Variants in KYAT1 observed in about 807,000 individuals in gnomAD.
The protein encoded by KYAT1 is kynurenine aminotransferase 1.
In KYAT1, 47 loss-of-function variants were observed where a neutral mutation model predicts 52.4. The observed-to-expected ratio is 0.90, with a 90% CI of 0.71 to 1.14. The LOEUF (loss-of-function observed/expected upper bound fraction) is 1.14, where lower values mean the gene tolerates loss of function less well. Ranked by LOEUF, KYAT1 falls within the 50% of genes most tolerant of loss-of-function variation. KYAT1 has a pLI of 0.00. For missense variants in KYAT1, 480 were observed against 557.9 expected (o/e 0.86, Z 1.41); for synonymous variants, 212 against 209.6 (o/e 1.01, Z -0.10).
intron 1 of KYAT1, among the ~76,000 whole-genome samples, chr9:128,851,965 C>T (rs942694808): frequency 2.0e-5 from 3 of 152,162 alleles, no homozygotes; most frequent in African/African-American, 7.2e-5. Flanking sequence ...ACTAGGCACA[C>T]TGCGACTTGG....
chr9:128,847,253 G>T (rs1833246635), intron 1 of KYAT1, among the ~76,000 whole-genome samples: 2 of 152,226 alleles, frequency 1.3e-5, no homozygotes, highest in Admixed American at 6.5e-5. Context: ...CTATTCAGAT[G>T]CAGAGCTACA....
chr9:128,846,695 C>G (rs1439965930), intron 1 of KYAT1: 21 of 1,532,350 alleles, frequency 1.4e-5, no homozygotes, highest in Admixed American at 3.9e-5. Flanking sequence ...CTGGGTGACC[C>G]TGGATAGGTA....
At chr9:128,882,434 C>T (rs1839094093), upstream of KYAT1, 3 of 332,566 alleles carry the variant, frequency 9.0e-6, no homozygotes, top group Admixed American at 9.7e-5. Context: ...CCCGGAGTCT[C>T]CGGGGCACCA....
chr9:128,855,049 T>C (rs1216696617), intron 1 of KYAT1, among the ~76,000 whole-genome samples: 1 of 152,168 alleles, frequency 6.6e-6, no homozygotes, highest in Non-Finnish European at 1.5e-5. Context: ...ATCATTAAAA[T>C]TTAGGCCTAA....
intron 1 of KYAT1, among the ~76,000 whole-genome samples, chr9:128,856,381 C>T (rs142656820): frequency 3.0e-4 from 46 of 152,142 alleles, no homozygotes; most frequent in African/African-American, 1.1e-3. Flanking sequence ...CCAGCAGCTC[C>T]AGAGAGACAG....
At chr9:128,855,579 T>C (rs76422347) in intron 1 of KYAT1, among the ~76,000 whole-genome samples, 1 of 152,250 alleles carries the variant, frequency 6.6e-6, no homozygotes, top group Non-Finnish European at 1.5e-5. Context: ...GTAGGAAACA[T>C]AGTTATTAAA....
intron 5 of KYAT1, 84 bp from the exon 6 acceptor site, chr9:128,837,897 C>A: frequency 6.5e-7 from 1 of 1,539,166 alleles, no homozygotes; most frequent in South Asian, 1.1e-5. Flanking sequence ...ACCTTCTCTC[C>A]CCTGGGATCC....
Position 128,835,381 on chromosome 9 carries a change from G to A in KYAT1, c.1064C>T (p.Pro355Leu), listed in dbSNP as rs761200965. 47 of 1,613,936 alleles carry A rather than the reference G, an allele frequency of 2.9e-5. No homozygotes were observed. The Admixed American group carries it at 7.5e-4, about 26-fold the overall frequency. The change falls in exon 11 of 13, where the codon CCT becomes CTT. Residue 355 changes from proline to leucine, a missense_variant. Physicochemically the swap from Pro to Leu is moderately conservative, Grantham distance 98. Transcript: ENST00000302586. ...GTCATAGGGCTCATCCACAGCTCCAGGCAAGTCAGGCATCTTCCTCTCTGG... is the reference window on the plus strand; with the variant it reads ...GTCATAGGGCTCATCCACAGCTCCAAGCAAGTCAGGCATCTTCCTCTCTGG... Reference protein sequence around the residue: ...SDFKRKMPDLPGAVDEPYDRR... With the variant: ...SDFKRKMPDLLGAVDEPYDRR...
chr9:128,847,801 C>G (rs113982711), intron 1 of KYAT1, among the ~76,000 whole-genome samples: 1 of 152,144 alleles, frequency 6.6e-6, no homozygotes, highest in Non-Finnish European at 1.5e-5. Flanking sequence ...CCAAGTGACC[C>G]TTTCAAAACA....
chr9:128,845,805 G>A (rs1833001226), intron 1 of KYAT1, among the ~76,000 whole-genome samples: 1 of 152,246 alleles, frequency 6.6e-6, no homozygotes, highest in African/African-American at 2.4e-5. Flanking sequence ...GGAGGATAAT[G>A]GCAACAGTGA....
rs1417888893 is a variant in KYAT1, at chr9:128,847,573, G to T, written c.-6-2162C>A. 2.1e-6 allele frequency: 3 copies of T among 1,413,850 alleles called. No homozygotes were observed. In the South Asian group the frequency reaches 3.7e-5, roughly 18 times the overall value. 87.6% of individuals were successfully genotyped at this position (1,413,850 alleles called of 1,614,324 possible). ...CACTGCAGACTTTTCCAGAGGCAGG[G>T]GAGAAGGGAGGAAACAGCCCTGGCC... On this transcript the variant is annotated intron_variant, in intron 1 of 12. Coordinates refer to ENST00000302586, the MANE Select transcript of KYAT1 (RefSeq NM_004059.5).
chr9:128,868,989 C>T (rs1006444926), intron 1 of KYAT1, among the ~76,000 whole-genome samples: 11 of 152,062 alleles, frequency 7.2e-5, no homozygotes, highest in Admixed American at 5.2e-4. Flanking sequence ...CAGGTGTGAG[C>T]CACTGTGCCT....
At chr9:128,881,152 C>T (rs1344264656) in intron 1 of KYAT1, among the ~76,000 whole-genome samples, 1 of 152,180 alleles carries the variant, frequency 6.6e-6, no homozygotes, top group Non-Finnish European at 1.5e-5. Context: ...GCGATCTCGG[C>T]TCACTGCAAG....
In KYAT1 at chr9:128,835,465, G is replaced by A. The variant is rs529498855; in HGVS notation, c.1042+16C>T. Reference sequence around the variant, plus strand: ...CCAGCCCCTGCGCCCTGCCCAGACCGGCAAGTCTCACTCACTGAAGTCTGA... The same window carrying A: ...CCAGCCCCTGCGCCCTGCCCAGACCAGCAAGTCTCACTCACTGAAGTCTGA... On this transcript the variant is annotated intron_variant, in intron 10 of 12. Coordinates refer to ENST00000302586, the MANE Select transcript of KYAT1 (RefSeq NM_004059.5). The A allele has an allele frequency of 3.9e-5, 63 of 1,613,704 alleles. No homozygotes were observed. The East Asian group carries it at 6.0e-4, about 15-fold the overall frequency.
intron 10 of KYAT1, 29 bp downstream of exon 10, chr9:128,835,452 C>A: frequency 6.2e-7 from 1 of 1,613,834 alleles, no homozygotes; most frequent in South Asian, 1.1e-5. Context: ...AGCCCCTGCG[C>A]CCTGCCCAGA....
chr9:128,841,178 G>A (rs1035385180), intron 3 of KYAT1, among the ~76,000 whole-genome samples: 3 of 150,522 alleles, frequency 2.0e-5, no homozygotes, highest in Admixed American at 6.6e-5. Flanking sequence ...GAGACCAACC[G>A]GACTAACATG....
intron 1 of KYAT1, among the ~76,000 whole-genome samples, chr9:128,855,312 G>A (rs1337959857): frequency 6.6e-6 from 1 of 152,156 alleles, no homozygotes; most frequent in East Asian, 1.9e-4. Context: ...CAGGTTTATA[G>A]AAGGCTAGAA....
chr9:128,873,727 C>T (rs1178731937), intron 1 of KYAT1, among the ~76,000 whole-genome samples: 1 of 151,390 alleles, frequency 6.6e-6, no homozygotes, highest in Non-Finnish European at 1.5e-5. Context: ...TTGCAGTGAG[C>T]GGCACTGCAC....
intron 1 of KYAT1, among the ~76,000 whole-genome samples, chr9:128,852,203 G>A (rs774073237): frequency 3.9e-5 from 6 of 152,144 alleles, no homozygotes; most frequent in South Asian, 4.1e-4. Flanking sequence ...GGCAGATGGC[G>A]CATGCTGACT....
Sources: allele counts gnomAD v4.1 joint callset (sites outside exome capture counted in the v4.1 genomes callset), GRCh38; gene constraint gnomAD v4.1.1; transcripts MANE v1.5; gene names NCBI Gene and HGNC (gene_info 2026-07-23, HGNC 2026-07-21).